The following N4BP2 variants were observed in gnomAD, a reference collection of about 807,000 sequenced individuals.
N4BP2 encodes NEDD4-binding protein 2.
Under a neutral mutation model 152.8 loss-of-function variants are expected in N4BP2, and 91 were observed. The observed-to-expected ratio is 0.60, with a 90% CI of 0.50 to 0.71. The LOEUF (loss-of-function observed/expected upper bound fraction) is 0.71. N4BP2 is among the 30% of genes least tolerant of loss of function. N4BP2 has a pLI of 0.00. For synonymous variants in N4BP2, 646 were observed against 705.3 expected (o/e 0.92, Z 1.33); for missense variants, 1,923 against 2,059.1 (o/e 0.93, Z 1.28).
intron 2 of N4BP2, among the ~76,000 whole-genome samples, 178 bp from the exon 3 acceptor site, chr4:40,097,048 AT>A (rs1715171848): frequency 6.6e-6 from 1 of 152,276 alleles, no homozygotes; most frequent in East Asian, 1.9e-4. Context: ...TAACATCTTA[AT>A]TTTTAACATG....
intron 8 of N4BP2, among the ~76,000 whole-genome samples, chr4:40,118,763 A>T (rs569278874): frequency 6.6e-6 from 1 of 152,380 alleles, no homozygotes; most frequent in East Asian, 1.9e-4. Context: ...TATTAACAGT[A>T]CACTTTTACC....
chr4:40,159,627 G>A (rs1721802187), downstream of N4BP2, among the ~76,000 whole-genome samples: 1 of 152,160 alleles, frequency 6.6e-6, no homozygotes, highest in Admixed American at 6.5e-5. Flanking sequence ...TTCTACTTAC[G>A]TCCTATTGAC....
At chr4:40,142,524 C>T (rs1560638898) in intron 14 of N4BP2, 149 bp from the exon 15 acceptor site, 1 of 595,394 alleles carries the variant, frequency 1.7e-6, no homozygotes, top group Non-Finnish European at 3.0e-6. Flanking sequence ...GCCTGACTTA[C>T]AAGGTAGACG....
At chr4:40,169,337 G>A in the N4BP2 span, among the ~76,000 whole-genome samples, 5 of 148,320 alleles carry the variant, frequency 3.4e-5, no homozygotes, top group Non-Finnish European at 7.4e-5. Context: ...AGCTGAGATC[G>A]CTCCACTGCA....
intron 3 of N4BP2, among the ~76,000 whole-genome samples, chr4:40,101,858 A>G (rs535085495): frequency 3.5e-4 from 53 of 152,318 alleles, no homozygotes; most frequent in Non-Finnish European, 6.9e-4. Context: ...TTCCTGAAAG[A>G]ATAGGATTGC....
chr4:40,176,357 T>C, the N4BP2 span, among the ~76,000 whole-genome samples: 1 of 152,230 alleles, frequency 6.6e-6, no homozygotes, highest in Non-Finnish European at 1.5e-5. Context: ...TTCATGCTGA[T>C]CAAAATCTTC....
chr4:40,116,733 T>C (rs1295007919), intron 7 of N4BP2, among the ~76,000 whole-genome samples: 1 of 152,176 alleles, frequency 6.6e-6, no homozygotes, highest in Admixed American at 6.5e-5. Flanking sequence ...CTGATGTTCA[T>C]CTTTGAGAAT....
At chr4:40,162,954 G>A (rs1355835495), downstream of N4BP2, among the ~76,000 whole-genome samples, 1 of 152,142 alleles carries the variant, frequency 6.6e-6, no homozygotes, top group East Asian at 1.9e-4. Flanking sequence ...CCCCATGTGG[G>A]CCTCTCCAAA....
intron 12 of N4BP2, among the ~76,000 whole-genome samples, chr4:40,130,053 TA>T (rs1324891152): frequency 2.0e-5 from 3 of 152,154 alleles, no homozygotes; most frequent in South Asian, 2.1e-4. Context: ...TATTTTAATT[TA>T]TTTTTTTTTG....
intron 16 of N4BP2, among the ~76,000 whole-genome samples, chr4:40,149,191 G>A (rs1295307814): frequency 6.6e-6 from 1 of 152,184 alleles, no homozygotes; most frequent in African/African-American, 2.4e-5. Flanking sequence ...AAAAGGTGGT[G>A]GTAACCTAAA....
chr4:40,101,302 A>G (rs937887512), intron 3 of N4BP2, among the ~76,000 whole-genome samples: 1 of 152,140 alleles, frequency 6.6e-6, no homozygotes, highest in Non-Finnish European at 1.5e-5. Flanking sequence ...GATTACAGGC[A>G]TGCGCCGCCA....
intron 1 of N4BP2, among the ~76,000 whole-genome samples, chr4:40,068,036 A>G (rs568543203): frequency 3.3e-5 from 5 of 152,218 alleles, no homozygotes; most frequent in East Asian, 1.9e-4. Flanking sequence ...GGTGATATCT[A>G]TCTCATTGTG....
intron 2 of N4BP2, among the ~76,000 whole-genome samples, chr4:40,093,851 C>T (rs111702444): frequency 1.7e-3 from 264 of 152,214 alleles, no homozygotes; most frequent in African/African-American, 5.9e-3. Flanking sequence ...CCACCCACCT[C>T]GGCCTCCCAA....
the N4BP2 span, among the ~76,000 whole-genome samples, chr4:40,171,676 G>A: frequency 1.3e-5 from 2 of 152,154 alleles, no homozygotes; most frequent in Non-Finnish European, 2.9e-5. Flanking sequence ...GAGTTTATAA[G>A]GAGTATTGAC....
intron 2 of N4BP2, among the ~76,000 whole-genome samples, chr4:40,078,345 C>T (rs147242895): frequency 6.6e-6 from 1 of 151,924 alleles, no homozygotes; most frequent in African/African-American, 2.4e-5. Context: ...ACCATGTTGG[C>T]CAGGCAGGTC....
intron 3 of N4BP2, among the ~76,000 whole-genome samples, chr4:40,101,705 A>G (rs997076764): frequency 2.6e-5 from 4 of 152,204 alleles, no homozygotes; most frequent in Admixed American, 6.5e-5. Flanking sequence ...TTTGCATGCA[A>G]TAGGTAAGTA....
At chr4:40,131,705 CA>C (rs1718918945) in intron 12 of N4BP2, 95 bp from the exon 13 acceptor site, 1 of 812,398 alleles carries the variant, frequency 1.2e-6, no homozygotes, top group East Asian at 2.5e-5. Context: ...GCTTTTAAAT[CA>C]TCAGTAGTTT....
intron 1 of N4BP2, among the ~76,000 whole-genome samples, chr4:40,069,823 T>C (rs1711964611): frequency 6.6e-6 from 1 of 152,126 alleles, no homozygotes; most frequent in Admixed American, 6.6e-5. Context: ...TTTGGGAAGC[T>C]GATGCAGGAG....
chr4:40,079,288 A>G (rs1343343254), intron 2 of N4BP2, among the ~76,000 whole-genome samples: 2 of 149,170 alleles, frequency 1.3e-5, no homozygotes, highest in African/African-American at 5.0e-5. Flanking sequence ...TTTTTTGTTT[A>G]TTTATTTATT....
Sources: allele counts gnomAD v4.1 joint callset (sites outside exome capture counted in the v4.1 genomes callset), GRCh38; gene constraint gnomAD v4.1.1; transcripts MANE v1.5; gene names NCBI Gene and HGNC (gene_info 2026-07-23, HGNC 2026-07-21).